Variants in ADGRB3 observed in about 807,000 individuals in gnomAD.
The protein encoded by ADGRB3 is brain-specific angiogenesis inhibitor 3.
In ADGRB3, 37 loss-of-function variants were observed where a neutral mutation model predicts 193.4. The ratio of observed to expected loss-of-function variants is 0.19; its 90% CI spans 0.15 to 0.25. The LOEUF is 0.25. Among genes scored for constraint, ADGRB3 ranks in the 10% least tolerant of loss-of-function variants. ADGRB3 has a pLI of 1.00. For synonymous variants in ADGRB3, 690 were observed against 644.2 expected (o/e 1.07, Z -1.08); for missense variants, 1,637 against 1,852.9 (o/e 0.88, Z 2.14).
intron 24 of ADGRB3, among the ~76,000 whole-genome samples, chr6:69,335,223 T>C (rs1768821332): frequency 6.6e-6 from 1 of 152,194 alleles, no homozygotes; most frequent in African/African-American, 2.4e-5. Flanking sequence ...GTTTAATTCA[T>C]ATAGCTCTTT....
chr6:69,331,028 T>G (rs951443501), intron 23 of ADGRB3, among the ~76,000 whole-genome samples: 2 of 152,132 alleles, frequency 1.3e-5, no homozygotes, highest in Non-Finnish European at 2.9e-5. Flanking sequence ...TTGGATCATA[T>G]GTTTGTTTGT....
chr6:69,292,981 C>T (rs924042264), intron 20 of ADGRB3, among the ~76,000 whole-genome samples: 6 of 149,894 alleles, frequency 4.0e-5, no homozygotes, highest in Non-Finnish European at 8.9e-5. Flanking sequence ...GATTCTGGTT[C>T]CTGTTGGACT....
At chr6:69,191,960 G>T (rs1156843095) in intron 17 of ADGRB3, among the ~76,000 whole-genome samples, 1 of 152,076 alleles carries the variant, frequency 6.6e-6, no homozygotes, top group Non-Finnish European at 1.5e-5. Context: ...ACTGAGGGGA[G>T]TGAAGGAAGG....
rs541858141 is a variant in ADGRB3 at position 68,711,548 on chromosome 6, A to G, written c.757+72116A>G. 1.1e-4 allele frequency among the ~76,000 whole-genome samples: 16 copies of G among 152,220 alleles called. No individual in the cohort carries two copies. In the East Asian group the frequency reaches 3.1e-3, roughly 29 times the overall value. On this transcript the variant is annotated intron_variant, in intron 3 of 31. Coordinates refer to ENST00000370598, the MANE Select transcript of ADGRB3 (RefSeq NM_001704.3). ...TTGTCCCTACCTTGACTTTCTGCAT[A>G]AATGGTCCTCTGCCAACATCCGTGT...
intron 5 of ADGRB3, among the ~76,000 whole-genome samples, chr6:68,938,576 G>A (rs77120668): frequency 0.012 from 1,779 of 151,486 alleles, 17 homozygotes; most frequent in Non-Finnish European, 0.02. Flanking sequence ...CATTTTTTAA[G>A]AATGCAATAT....
intron 3 of ADGRB3, among the ~76,000 whole-genome samples, chr6:68,815,011 C>G (rs940529901): frequency 6.6e-6 from 1 of 152,098 alleles, no homozygotes; most frequent in Admixed American, 6.6e-5. Flanking sequence ...CTATCTATGT[C>G]AAACCCACAG....
At chr6:68,996,681 G>A (rs1040089098) in intron 11 of ADGRB3, among the ~76,000 whole-genome samples, 8 of 151,624 alleles carry the variant, frequency 5.3e-5, no homozygotes, top group Middle Eastern at 3.4e-3. Flanking sequence ...TGCTGTTGAA[G>A]TTCTCAGGTC....
intron 26 of ADGRB3, among the ~76,000 whole-genome samples, chr6:69,343,860 G>A (rs981278833): frequency 6.6e-6 from 1 of 152,132 alleles, no homozygotes; most frequent in Non-Finnish European, 1.5e-5. Context: ...TGAGTATGGA[G>A]GTGTTTCTTC....
intron 26 of ADGRB3, among the ~76,000 whole-genome samples, chr6:69,346,134 T>C (rs1376454619): frequency 6.6e-6 from 1 of 152,188 alleles, no homozygotes; most frequent in African/African-American, 2.4e-5. Context: ...TGCTCATGGA[T>C]AGGAAGAATC....
At chr6:69,196,668 C>T (rs1765303453) in intron 17 of ADGRB3, among the ~76,000 whole-genome samples, 1 of 152,072 alleles carries the variant, frequency 6.6e-6, no homozygotes, top group Non-Finnish European at 1.5e-5. Context: ...AATCTTATCT[C>T]CAAAATACAG....
At chr6:69,340,967 A>G (rs1561992719) in intron 26 of ADGRB3, among the ~76,000 whole-genome samples, 2 of 152,198 alleles carry the variant, frequency 1.3e-5, no homozygotes, top group East Asian at 1.9e-4. Context: ...ATAGCTGCAG[A>G]GCATTCCATG....
intron 17 of ADGRB3, among the ~76,000 whole-genome samples, chr6:69,112,458 A>G (rs900109789): frequency 5.3e-5 from 8 of 152,212 alleles, no homozygotes; most frequent in African/African-American, 1.9e-4. Flanking sequence ...AAAACTCTTT[A>G]GTGGCTTCAT....
Position 69,367,578 on chromosome 6 carries a change from G to C in ADGRB3, c.4240-4828G>C, listed in dbSNP as rs570755093. 2.4e-4 allele frequency among the ~76,000 whole-genome samples: 36 copies of C among 151,932 alleles called. No individual in the cohort carries two copies. The East Asian group carries it at 5.1e-3, about 22-fold the overall frequency. On this transcript the variant is annotated intron_variant, in intron 29 of 31. Coordinates refer to ENST00000370598, the MANE Select transcript of ADGRB3 (RefSeq NM_001704.3). ...TTCTAACTGGTGTGAGATGGTATGT[G>C]ATTGTGGTTTTGATTTGCATTTCTC... is the stretch of plus-strand genomic sequence containing the variant.
chr6:68,790,603 G>T (rs1032079832), intron 3 of ADGRB3, among the ~76,000 whole-genome samples: 1 of 152,108 alleles, frequency 6.6e-6, no homozygotes, highest in Non-Finnish European at 1.5e-5. Flanking sequence ...CCAGAGGAAC[G>T]ATCAGGCAGC....
At chr6:69,119,934 C>T (rs1379874847) in intron 17 of ADGRB3, among the ~76,000 whole-genome samples, 2 of 152,074 alleles carry the variant, frequency 1.3e-5, no homozygotes, top group African/African-American at 4.8e-5. Flanking sequence ...AGAGGCCAGA[C>T]AGGAGTCTAT....
chr6:69,377,736 C>A (rs1027590288), intron 30 of ADGRB3, among the ~76,000 whole-genome samples: 4 of 152,056 alleles, frequency 2.6e-5, no homozygotes, highest in African/African-American at 9.7e-5. Context: ...ACAGTGAATA[C>A]CTCTCTGATA....
chr6:68,959,777 A>T (rs4706764), intron 8 of ADGRB3, among the ~76,000 whole-genome samples: 1 of 152,136 alleles, frequency 6.6e-6, no homozygotes, highest in Non-Finnish European at 1.5e-5. Flanking sequence ...AACATTTTTT[A>T]AAAATAATGC....
At chr6:68,870,951 A>G (rs529770364) in intron 3 of ADGRB3, among the ~76,000 whole-genome samples, 4 of 152,276 alleles carry the variant, frequency 2.6e-5, no homozygotes, top group Admixed American at 6.5e-5. Flanking sequence ...ACACTAATCT[A>G]GCTTCTGCTT....
In ADGRB3 at chr6:68,930,721, A is replaced by C. The variant is rs762564373; in HGVS notation, c.868+52A>C. The C allele has an allele frequency of 3.9e-6, 5 of 1,295,828 alleles. No individual in the cohort carries two copies. The African/African-American group carries it at 7.6e-5, about 20-fold the overall frequency. 80.3% of individuals were successfully genotyped at this position (1,295,828 alleles called of 1,614,324 possible). On this transcript the variant is annotated intron_variant, in intron 4 of 31. Coordinates refer to ENST00000370598, the MANE Select transcript of ADGRB3 (RefSeq NM_001704.3). ...TTATTGTTGTTAATTTAATGAAACC[A>C]CTGCATGTTTTCATAATCTTTTGCT...
Sources: allele counts gnomAD v4.1 joint callset (sites outside exome capture counted in the v4.1 genomes callset), GRCh38; gene constraint gnomAD v4.1.1; transcripts MANE v1.5; gene names NCBI Gene and HGNC (gene_info 2026-07-23, HGNC 2026-07-21).